Variants in PRKN observed in about 807,000 individuals in gnomAD.
PRKN encodes parkin RBR E3 ubiquitin protein ligase.
In PRKN, 56 loss-of-function variants were observed where a neutral mutation model predicts 59.5. That is an observed-to-expected ratio of 0.94 (90% CI 0.76 to 1.18). PRKN has a LOEUF of 1.18. Ranked by LOEUF, PRKN falls within the 50% of genes most tolerant of loss-of-function variation. The pLI is 0.00. For synonymous variants in PRKN, 250 were observed against 222.1 expected, an observed-to-expected ratio of 1.13 and a Z score of -1.12; for missense variants, 657 against 596.4, an observed-to-expected ratio of 1.10 and a Z score of -1.06.
At chr6:161,802,912 T>C (rs1213189296) in intron 6 of PRKN, among the ~76,000 whole-genome samples, 1 of 152,032 alleles carries the variant, frequency 6.6e-6, no homozygotes, top group Admixed American at 6.5e-5. Flanking sequence ...CCCCAAAATA[T>C]GCCATTTTGG....
chr6:161,862,805 A>G (rs1364167432), intron 6 of PRKN, among the ~76,000 whole-genome samples: 1 of 152,168 alleles, frequency 6.6e-6, no homozygotes, highest in East Asian at 1.9e-4. Context: ...CACAGAAGCA[A>G]CGAAGACCCG....
intron 6 of PRKN, among the ~76,000 whole-genome samples, chr6:161,820,147 G>C (rs1185798196): frequency 1.3e-5 from 2 of 151,942 alleles, no homozygotes; most frequent in Non-Finnish European, 2.9e-5. Flanking sequence ...ACCAGAAAGA[G>C]AGCATTTTGC....
intron 7 of PRKN, among the ~76,000 whole-genome samples, chr6:161,716,778 G>A (rs763239613): frequency 2.0e-5 from 3 of 152,182 alleles, no homozygotes; most frequent in Non-Finnish European, 4.4e-5. Context: ...GGGGCAGCGT[G>A]GGAGGTGAAG....
chr6:162,302,985 C>CACACAG (rs991475547), intron 2 of PRKN, among the ~76,000 whole-genome samples: 3 of 151,480 alleles, frequency 2.0e-5, no homozygotes, highest in Admixed American at 2.0e-4. Context: ...CACACACACA[C>CACACAG]ACACACACAC....
At chr6:162,715,092 G>A (rs1778673099) in intron 1 of PRKN, among the ~76,000 whole-genome samples, 1 of 152,142 alleles carries the variant, frequency 6.6e-6, no homozygotes, top group Admixed American at 6.5e-5. Flanking sequence ...CAAAGTCAAG[G>A]CATATAGTTA....
intron 6 of PRKN, among the ~76,000 whole-genome samples, chr6:161,821,293 C>A (rs1450940385): frequency 4.6e-5 from 7 of 152,060 alleles, no homozygotes; most frequent in Non-Finnish European, 1.0e-4. Flanking sequence ...AGAATTAAAT[C>A]TTTTTAAAAT....
chr6:161,973,944 A>T lies in PRKN; in HGVS notation c.619-527T>A, dbSNP rs112555387. The stretch of plus-strand genomic sequence containing the variant: ...AGAGCCCTACTGTAAATAGCCACAC[A>T]AGTACACATGGACTCCTGGTAGACA... On this transcript the variant is annotated intron_variant, in intron 5 of 11. Coordinates refer to ENST00000366898, the MANE Select transcript of PRKN (RefSeq NM_004562.3). Among the ~76,000 whole-genome samples the T allele has an allele frequency of 9.9e-3, 1,509 of 152,294 alleles. 24 individuals are homozygous for T. The highest frequency in any genetic ancestry group is 0.033 in the African/African-American group (1,384 of 41,554).
In PRKN at chr6:161,618,680, G is replaced by A. The variant is rs956907927; in HGVS notation, c.872-49264C>T. Among the ~76,000 whole-genome samples the A allele has an allele frequency of 2.6e-5, 4 of 152,110 alleles. No individual in the cohort carries two copies. The East Asian group carries it at 7.7e-4, about 29-fold the overall frequency. Reference sequence around the variant, plus strand: ...TGCTGAGCCCAGTTCCATAAGAGCTGCCCCAAGACAGCTTGTACAGATGCA... The same window carrying A: ...TGCTGAGCCCAGTTCCATAAGAGCTACCCCAAGACAGCTTGTACAGATGCA... On this transcript the variant is annotated intron_variant, in intron 7 of 11. Coordinates refer to ENST00000366898, the MANE Select transcript of PRKN (RefSeq NM_004562.3).
At chr6:161,870,716 A>C (rs1794307487) in intron 6 of PRKN, among the ~76,000 whole-genome samples, 1 of 152,198 alleles carries the variant, frequency 6.6e-6, no homozygotes, top group Non-Finnish European at 1.5e-5. Context: ...ATTAATTATT[A>C]ACTGATAAGG....
intron 4 of PRKN, among the ~76,000 whole-genome samples, chr6:162,195,529 A>T (rs1387114771): frequency 1.3e-5 from 2 of 152,198 alleles, no homozygotes; most frequent in East Asian, 3.9e-4. Context: ...TCTATAAACT[A>T]ATTTTAAACA....
chr6:162,414,726 A>AAAAAAAAAAAAAAAAAAT lies in PRKN; in HGVS notation c.171+28583_171+28584insATTTTTTTTTTTTTTTTT, dbSNP rs34838356. ...ACTCCGTCTCAAAAAAAAAAAAAAAAAGTGAATCTTTGAAGTTTTAAAATA... is the reference window on the plus strand; with the variant it reads ...ACTCCGTCTCAAAAAAAAAAAAAAAAAAAAAAAAAAAAAAAAATAGTGAATCTTTGAAGTTTTAAAATA... On this transcript the variant is annotated intron_variant, in intron 2 of 11. Transcript: ENST00000366898. 5.4e-5 allele frequency among the ~76,000 whole-genome samples: 5 copies of AAAAAAAAAAAAAAAAAAT among 91,866 alleles called. 1 individual carries two copies. The highest frequency in any genetic ancestry group is 9.1e-5 in the African/African-American group (2 of 22,054). The allele number at this position is 91,866 out of a possible 152,430, so 60.3% of individuals were successfully genotyped here.
At chr6:162,263,153 C>T (rs778928051) in intron 2 of PRKN, 30 of 282,094 alleles carry the variant, frequency 1.1e-4, no homozygotes, top group Non-Finnish European at 1.9e-4. Flanking sequence ...GATTTCCGCT[C>T]ATTGCAACCT....
chr6:161,814,213 T>C (rs142685978), intron 6 of PRKN, among the ~76,000 whole-genome samples: 4 of 152,316 alleles, frequency 2.6e-5, no homozygotes, highest in Non-Finnish European at 5.9e-5. Flanking sequence ...TGAATTAATA[T>C]TGTGCTGTTT....
rs530175898 is a variant in PRKN at position 161,377,787 on chromosome 6, GC to G, written c.1167+9006del. Among the ~76,000 whole-genome samples, 337 of 152,254 alleles carry G rather than the reference GC, an allele frequency of 2.2e-3. 4 individuals carry two copies. Among genetic ancestry groups the G allele is most frequent in the African/African-American group, 7.4e-3 (306 of 41,554 alleles). Reference sequence around the variant, plus strand: ...CTGTGAGGCCCCAGAGAGCTGTCTTGCCCCTTCTACCATGTGAGGGTATAGC... The same window carrying G: ...CTGTGAGGCCCCAGAGAGCTGTCTTGCCCTTCTACCATGTGAGGGTATAGC... On this transcript the variant is annotated intron_variant, in intron 10 of 11. Coordinates refer to ENST00000366898, the MANE Select transcript of PRKN (RefSeq NM_004562.3). This position sits in a 1 kb window ranked among gnomAD's most constrained non-coding sequence, Gnocchi z 4.2.
intron 5 of PRKN, among the ~76,000 whole-genome samples, chr6:161,974,931 A>C (rs916699720): frequency 6.6e-6 from 1 of 152,146 alleles, no homozygotes; most frequent in African/African-American, 2.4e-5. Context: ...TATGCAAATG[A>C]ATGGGTGTGG....
At chr6:161,944,418 A>C (rs1036838329) in intron 6 of PRKN, among the ~76,000 whole-genome samples, 6 of 152,260 alleles carry the variant, frequency 3.9e-5, no homozygotes, top group South Asian at 4.1e-4. Flanking sequence ...AATACATAGA[A>C]GCTGCTTATT....
At chr6:161,889,604 G>T (rs990077220) in intron 6 of PRKN, among the ~76,000 whole-genome samples, 4 of 152,214 alleles carry the variant, frequency 2.6e-5, no homozygotes, top group Non-Finnish European at 2.9e-5. Context: ...CAGCTGCAGG[G>T]ATTTGCAGTG....
At chr6:162,678,421 T>C (rs376023579) in intron 1 of PRKN, among the ~76,000 whole-genome samples, 64 of 152,336 alleles carry the variant, frequency 4.2e-4, no homozygotes, top group African/African-American at 1.4e-3. Flanking sequence ...TTCCCATCTG[T>C]CATGTATGAG....
chr6:162,206,790 C>T (rs903129673), intron 3 of PRKN, among the ~76,000 whole-genome samples: 1 of 152,132 alleles, frequency 6.6e-6, no homozygotes, highest in Non-Finnish European at 1.5e-5. Context: ...TTTCTGGGTG[C>T]TGGCCTTCAG....
Sources: allele counts gnomAD v4.1 joint callset (sites outside exome capture counted in the v4.1 genomes callset), GRCh38; gene constraint gnomAD v4.1.1; non-coding constraint Gnocchi (gnomAD v3.1); transcripts MANE v1.5; gene names NCBI Gene and HGNC (gene_info 2026-07-23, HGNC 2026-07-21).